Variants in MIPOL1 observed in about 807,000 individuals in gnomAD.
MIPOL1 encodes the protein mirror-image polydactyly 1.
A neutral mutation model predicts 60.9 loss-of-function variants in MIPOL1; 57 were observed. The observed-to-expected ratio is 0.94, with a 90% CI of 0.76 to 1.17. The LOEUF (loss-of-function observed/expected upper bound fraction) is 1.17. Ranked by LOEUF, MIPOL1 falls within the 50% of genes most tolerant of loss-of-function variation. MIPOL1 has a pLI of 0.00. For missense variants in MIPOL1, 551 were observed against 511.6 expected (o/e 1.08, Z -0.74); for synonymous variants, 179 against 168.8 (o/e 1.06, Z -0.47).
At chr14:37,347,601 A>C (rs1238175824) in intron 9 of MIPOL1, among the ~76,000 whole-genome samples, 4 of 152,222 alleles carry the variant, frequency 2.6e-5, no homozygotes, top group African/African-American at 9.6e-5. Context: ...AGTATGAAGA[A>C]GTTAAAAGTA....
intron 1 of MIPOL1, among the ~76,000 whole-genome samples, chr14:37,245,659 A>G (rs1168954402): frequency 1.6e-4 from 25 of 152,182 alleles, no homozygotes; most frequent in Admixed American, 1.6e-3. Context: ...AGTGTTAAGC[A>G]TTATCTTCTG....
intron 1 of MIPOL1, among the ~76,000 whole-genome samples, chr14:37,203,832 G>T (rs1965668661): frequency 6.6e-6 from 1 of 152,106 alleles, no homozygotes; most frequent in African/African-American, 2.4e-5. Context: ...GCCCAGGCTG[G>T]AAAGCAGTGG....
At chr14:37,365,964 A>T (rs975094643) in intron 9 of MIPOL1, among the ~76,000 whole-genome samples, 1 of 151,976 alleles carries the variant, frequency 6.6e-6, no homozygotes, top group Non-Finnish European at 1.5e-5. Context: ...GAATGTGTCC[A>T]TTTCTTCTAG....
chr14:37,495,750 G>C (rs2095117221), intron 11 of MIPOL1, among the ~76,000 whole-genome samples: 1 of 150,158 alleles, frequency 6.7e-6, no homozygotes, highest in Non-Finnish European at 1.5e-5. Flanking sequence ...CCCACCAACA[G>C]TGTAAAAGTG....
intron 11 of MIPOL1, among the ~76,000 whole-genome samples, chr14:37,470,490 C>T (rs144318009): frequency 1.4e-4 from 22 of 152,230 alleles, no homozygotes; most frequent in African/African-American, 4.6e-4. Flanking sequence ...ATCACCTCCT[C>T]TTCCTCTCTC....
intron 11 of MIPOL1, among the ~76,000 whole-genome samples, chr14:37,459,638 A>G (rs1184114623): frequency 6.6e-6 from 1 of 152,220 alleles, no homozygotes; most frequent in African/African-American, 2.4e-5. Context: ...TAAAAAATTG[A>G]AGAGGAGGGA....
At chr14:37,397,190 C>G (rs1476271122) in intron 10 of MIPOL1, among the ~76,000 whole-genome samples, 1 of 152,126 alleles carries the variant, frequency 6.6e-6, no homozygotes, top group Non-Finnish European at 1.5e-5. Context: ...GTACTCTCCC[C>G]TTTTCCTATG....
Position 37,537,819 on chromosome 14 carries a change from T to C in MIPOL1, c.1263-9086T>C, listed in dbSNP as rs191468080. Reference sequence around the variant, plus strand: ...TTAAATTTAAAAATAAAGTAAATGCTCTATGCTGTGAGCCATACAAGGCAT... The same window carrying C: ...TTAAATTTAAAAATAAAGTAAATGCCCTATGCTGTGAGCCATACAAGGCAT... On this transcript the variant is annotated intron_variant, in intron 12 of 12. Coordinates refer to ENST00000684589, the MANE Select transcript of MIPOL1 (RefSeq NM_001388067.1). 5.0e-3 allele frequency among the ~76,000 whole-genome samples: 763 copies of C among 152,242 alleles called. 4 individuals carry two copies. Among genetic ancestry groups the C allele is most frequent in the South Asian group, 0.033 (158 of 4,818 alleles).
intron 10 of MIPOL1, among the ~76,000 whole-genome samples, chr14:37,412,165 T>C (rs1239017304): frequency 6.6e-6 from 1 of 150,686 alleles, no homozygotes; most frequent in East Asian, 1.9e-4. Flanking sequence ...AATGAAACAA[T>C]GTATGTGGAA....
At chr14:37,399,257 T>G (rs1279743650) in intron 10 of MIPOL1, among the ~76,000 whole-genome samples, 1 of 152,162 alleles carries the variant, frequency 6.6e-6, no homozygotes, top group African/African-American at 2.4e-5. Flanking sequence ...CAGCTGCTAG[T>G]ATTGGTGCCA....
chr14:37,395,141 A>T (rs1021403321), intron 10 of MIPOL1, among the ~76,000 whole-genome samples: 3 of 152,126 alleles, frequency 2.0e-5, no homozygotes, highest in Admixed American at 2.0e-4. Flanking sequence ...TACCAGTACC[A>T]TGCTGTTTTG....
chr14:37,343,477 G>A lies in MIPOL1; in HGVS notation c.829-26040G>A, dbSNP rs368048338. Among the ~76,000 whole-genome samples the A allele has an allele frequency of 1.5e-3, 231 of 152,208 alleles. 2 individuals are homozygous for A. The highest frequency in any genetic ancestry group is 2.8e-3 in the Non-Finnish European group (192 of 67,980). ...ATAATTCACATTGACACCAAAGTTT[G>A]GTTTCTGTTTTGACTGGAAAAGTCT... is the stretch of plus-strand genomic sequence containing the variant. On this transcript the variant is annotated intron_variant, in intron 9 of 12. Transcript: ENST00000684589.
chr14:37,229,217 T>G (rs1220498290), intron 1 of MIPOL1, among the ~76,000 whole-genome samples: 1 of 152,190 alleles, frequency 6.6e-6, no homozygotes, highest in African/African-American at 2.4e-5. Context: ...ACTGCAGTGG[T>G]GTGATCTCAG....
chr14:37,260,071 T>C (rs1414806288), intron 3 of MIPOL1, among the ~76,000 whole-genome samples: 1 of 152,002 alleles, frequency 6.6e-6, no homozygotes, highest in Non-Finnish European at 1.5e-5. Flanking sequence ...TCATTTTCAA[T>C]ACTTGTTTGC....
intron 12 of MIPOL1, among the ~76,000 whole-genome samples, chr14:37,534,237 A>G (rs138567891): frequency 6.6e-6 from 1 of 152,334 alleles, no homozygotes; most frequent in African/African-American, 2.4e-5. Context: ...GTGAAATTTT[A>G]TCTAACATAT....
At chr14:37,307,952 A>G in intron 7 of MIPOL1, 104 bp from the exon 8 acceptor site, 1 of 878,512 alleles carries the variant, frequency 1.1e-6, no homozygotes, top group Non-Finnish European at 1.8e-6. Context: ...TCTAAAGACT[A>G]GTCGAATGAA....
intron 12 of MIPOL1, among the ~76,000 whole-genome samples, chr14:37,538,469 T>C (rs2095516018): frequency 6.6e-6 from 1 of 152,022 alleles, no homozygotes; most frequent in South Asian, 2.1e-4. Flanking sequence ...CAAAAAAAAG[T>C]GATAGCAAAT....
chr14:37,208,896 AC>A (rs1247727241), intron 1 of MIPOL1, among the ~76,000 whole-genome samples: 2 of 151,982 alleles, frequency 1.3e-5, no homozygotes, highest in African/African-American at 4.8e-5. Context: ...TGGCCTTGTC[AC>A]TCTACTTCTG....
At chr14:37,240,905 T>G (rs1297565078) in intron 1 of MIPOL1, among the ~76,000 whole-genome samples, 1 of 151,184 alleles carries the variant, frequency 6.6e-6, no homozygotes, top group Non-Finnish European at 1.5e-5. Flanking sequence ...TGGTTAGTTT[T>G]TAGAGAAACT....
Sources: allele counts gnomAD v4.1 joint callset (sites outside exome capture counted in the v4.1 genomes callset), GRCh38; gene constraint gnomAD v4.1.1; transcripts MANE v1.5; gene names NCBI Gene and HGNC (gene_info 2026-07-23, HGNC 2026-07-21).